ANKRD12: variants seen among roughly 807,000 people sequenced by gnomAD.
ANKRD12 encodes the protein ankyrin repeat domain 12.
A neutral mutation model predicts 183.4 loss-of-function variants in ANKRD12; 85 were observed. The ratio of observed to expected loss-of-function variants is 0.46; its 90% CI spans 0.39 to 0.56. The LOEUF is 0.56. Ranked by LOEUF, ANKRD12 falls within the 20% of genes least tolerant of loss-of-function variation. ANKRD12 has a pLI of 0.00. For synonymous variants in ANKRD12, 914 were observed against 800.2 expected (o/e 1.14, Z -2.40); for missense variants, 2,405 against 2,357.1 (o/e 1.02, Z -0.42).
intron 9 of ANKRD12, among the ~76,000 whole-genome samples, chr18:9,263,276 A>T (rs2039088275): frequency 6.6e-6 from 1 of 152,160 alleles, no homozygotes; most frequent in South Asian, 2.1e-4. Context: ...AGTCATTGGG[A>T]TATTACATGT....
chr18:9,182,505 C>T lies in ANKRD12; in HGVS notation c.73C>T (p.Pro25Ser). 6 of 1,604,538 alleles carry T rather than the reference C, an allele frequency of 3.7e-6. No homozygotes were observed. The highest frequency in any genetic ancestry group is 5.1e-6 in the Non-Finnish European group (6 of 1,175,034). Residue 25 changes from proline to serine, a missense_variant, in exon 2 of 13, where the codon CCA (proline) becomes TCA (serine). Pro to Ser is a moderately conservative substitution (Grantham distance 74, BLOSUM62 -1). Transcript: ENST00000262126. ...SDSDSNMVEK[P>S]YGRKSKDKIA... Reference sequence around the variant, plus strand: ...CAGTGACAGCAATATGGTAGAGAAACCATATGGAAGAAAGGTATATGATTA... The same window carrying T: ...CAGTGACAGCAATATGGTAGAGAAATCATATGGAAGAAAGGTATATGATTA...
chr18:9,249,055 A>G (rs2038129531), intron 8 of ANKRD12, among the ~76,000 whole-genome samples: 1 of 152,230 alleles, frequency 6.6e-6, no homozygotes, highest in Non-Finnish European at 1.5e-5. Context: ...ATACAGTTCT[A>G]AAACTCATTA....
chr18:9,257,761 A>C lies in ANKRD12; in HGVS notation c.4494A>C (p.Ser1498=). ...AGCCTTGCTCTTTCCCCAGCCAATC[A>C]CTTTCAGATGCTGAATCGATTTCTA... ...PQQPCSFPSQ[S]LSDAESISKH... is the part of the protein sequence containing the mutation. Residue 1498 remains serine (S), a synonymous_variant, in exon 9 of 13, where the codon TCA becomes TCC. Coordinates refer to ENST00000262126, the MANE Select transcript of ANKRD12 (RefSeq NM_015208.5). 6.2e-7 allele frequency: 1 copy of C among 1,614,026 alleles called. No homozygotes were observed. Among genetic ancestry groups the C allele is most frequent in the South Asian group, 1.1e-5 (1 of 91,078 alleles).
At chr18:9,205,712 G>A (rs1341725325) in intron 4 of ANKRD12, among the ~76,000 whole-genome samples, 1 of 152,110 alleles carries the variant, frequency 6.6e-6, no homozygotes, top group Non-Finnish European at 1.5e-5. Context: ...GGAGATTCAC[G>A]TAGATATTTT....
At chr18:9,161,489 C>T (rs548032445) in intron 1 of ANKRD12, among the ~76,000 whole-genome samples, 1 of 152,022 alleles carries the variant, frequency 6.6e-6, no homozygotes, top group East Asian at 1.9e-4. Flanking sequence ...CATTCTCCTG[C>T]CTCAGCCTCC....
At chr18:9,153,925 C>G (rs1359046129) in intron 1 of ANKRD12, among the ~76,000 whole-genome samples, 2 of 151,980 alleles carry the variant, frequency 1.3e-5, no homozygotes, top group African/African-American at 2.4e-5. Flanking sequence ...TATGTTCATA[C>G]TCTGTATTGG....
At chr18:9,159,853 A>G (rs1170278702) in intron 1 of ANKRD12, among the ~76,000 whole-genome samples, 5 of 150,184 alleles carry the variant, frequency 3.3e-5, no homozygotes, top group Non-Finnish European at 7.4e-5. Flanking sequence ...CACCCAGGCT[A>G]GGGTACAATG....
At chr18:9,237,040 A>G (rs990761153) in intron 8 of ANKRD12, among the ~76,000 whole-genome samples, 6 of 152,330 alleles carry the variant, frequency 3.9e-5, no homozygotes, top group Middle Eastern at 3.4e-3. Flanking sequence ...AAAAGCATAT[A>G]AATACATATA....
chr18:9,274,351 T>C (rs2039733464), intron 10 of ANKRD12, among the ~76,000 whole-genome samples: 1 of 152,246 alleles, frequency 6.6e-6, no homozygotes, highest in Non-Finnish European at 1.5e-5. Flanking sequence ...GAACATACTT[T>C]TCAGCCACAA....
At chr18:9,272,500 T>C (rs572247328) in intron 10 of ANKRD12, among the ~76,000 whole-genome samples, 127 of 151,740 alleles carry the variant, frequency 8.4e-4, no homozygotes, top group Non-Finnish European at 1.6e-3. Context: ...AGGCGGAGGT[T>C]GCAGTGAGCT....
intron 1 of ANKRD12, among the ~76,000 whole-genome samples, chr18:9,170,319 G>C (rs967821552): frequency 3.3e-5 from 5 of 152,104 alleles, no homozygotes; most frequent in Non-Finnish European, 7.4e-5. Flanking sequence ...TTCCAACTTG[G>C]TTCCATTCTC....
At chr18:9,192,713 T>TC (rs971472969) in intron 2 of ANKRD12, among the ~76,000 whole-genome samples, 17 of 151,828 alleles carry the variant, frequency 1.1e-4, no homozygotes, top group Non-Finnish European at 2.4e-4. Flanking sequence ...TTCCTCCTTT[T>TC]TTTTTAGAGA....
chr18:9,245,659 A>T (rs2037920957), intron 8 of ANKRD12, among the ~76,000 whole-genome samples: 1 of 152,230 alleles, frequency 6.6e-6, no homozygotes, highest in African/African-American at 2.4e-5. Context: ...TCAGGTGAGT[A>T]TGTTTCATAG....
chr18:9,227,574 C>T (rs1177157822), intron 8 of ANKRD12, among the ~76,000 whole-genome samples: 2 of 152,110 alleles, frequency 1.3e-5, no homozygotes, highest in Non-Finnish European at 2.9e-5. Flanking sequence ...TTTGTATTGA[C>T]CAAAGATGGG....
intron 1 of ANKRD12, among the ~76,000 whole-genome samples, chr18:9,174,077 G>A (rs1260452108): frequency 1.3e-5 from 2 of 152,160 alleles, no homozygotes; most frequent in Admixed American, 1.3e-4. Context: ...AGAGCAGTCT[G>A]GCCACGATCT....
chr18:9,145,103 T>A (rs2078449867), intron 1 of ANKRD12, among the ~76,000 whole-genome samples: 2 of 152,164 alleles, frequency 1.3e-5, no homozygotes. Flanking sequence ...TGAACAAGTA[T>A]CATAGATATA....
At chr18:9,249,052 T>C (rs1328399290) in intron 8 of ANKRD12, among the ~76,000 whole-genome samples, 3 of 152,220 alleles carry the variant, frequency 2.0e-5, no homozygotes, top group Non-Finnish European at 4.4e-5. Context: ...TTAATACAGT[T>C]CTAAAACTCA....
At position 9,257,262 on chromosome 18, in the gene ANKRD12, A is replaced by C; in HGVS notation, c.3995A>C (p.Gln1332Pro). ...QFQTISEESN[Q>P]GSLLTVPGDT... The stretch of plus-strand genomic sequence containing the variant: ...CAAACAATATCAGAAGAGAGCAATC[A>C]AGGTAGCTTATTAACTGTGCCAGGA... Residue 1332 changes from glutamine (Q) to proline (P), a missense_variant, in exon 9 of 13, where the codon CAA becomes CCA. Gln to Pro is a moderately conservative substitution (Grantham distance 76). Around this residue, in one of 7 missense-constraint regions of ANKRD12, gnomAD observed 1,983 missense variants for 1,725.9 expected, o/e 1.15. Coordinates refer to ENST00000262126, the MANE Select transcript of ANKRD12 (RefSeq NM_015208.5). The C allele has an allele frequency of 6.2e-7, 1 of 1,614,134 alleles. No homozygotes were observed. The highest frequency in any genetic ancestry group is 8.5e-7 in the Non-Finnish European group (1 of 1,179,984).
intron 1 of ANKRD12, among the ~76,000 whole-genome samples, chr18:9,163,589 TGGG>T (rs1293792561): frequency 1.3e-5 from 2 of 152,220 alleles, no homozygotes; most frequent in Non-Finnish European, 2.9e-5. Context: ...GGTAGTTTAA[TGGG>T]AATAGCATTG....
Sources: gnomAD v4.1 joint callset for allele counts (sites outside exome capture counted in the v4.1 genomes callset) on GRCh38, gnomAD v4.1.1 for gene constraint, gnomAD v4.1.1 regional missense constraint, MANE v1.5 for transcripts, NCBI Gene and HGNC (gene_info 2026-07-23, HGNC 2026-07-21) for gene names.